The following ARCN1 variants were observed in gnomAD, a reference collection of about 807,000 sequenced individuals.
The protein encoded by ARCN1 is archain 1 coat protein complex I subunit delta, also known as coatomer subunit delta.
Under a neutral mutation model 60.4 loss-of-function variants are expected in ARCN1, and 5 were observed. That is an observed-to-expected ratio of 0.08 (90% CI 0.04 to 0.17). The LOEUF (loss-of-function observed/expected upper bound fraction) is 0.17, where lower values mean the gene tolerates loss of function less well. Ranked by LOEUF, ARCN1 falls within the 10% of genes least tolerant of loss-of-function variation. The pLI, the probability that ARCN1 is intolerant of heterozygous loss-of-function variation, is 1.00. For missense variants in ARCN1, 464 were observed against 626.5 expected (o/e 0.74, Z 2.77); for synonymous variants, 224 against 220.0 (o/e 1.02, Z -0.16).
rs1555076695 is a variant in ARCN1, at chr11:118,593,677, T to C, written c.1220T>C (p.Val407Ala). The change falls in exon 8 of 10, where the codon GTG becomes GCG. Residue 407 changes from valine (V) to alanine (A), a missense_variant. Val to Ala is a moderately conservative substitution (Grantham distance 64, BLOSUM62 0). Around this residue, in one of 2 missense-constraint regions of ARCN1, gnomAD observed 359 missense variants for 440.2 expected, o/e 0.82. Coordinates refer to ENST00000264028, the MANE Select transcript of ARCN1 (RefSeq NM_001655.5). ...GAAGATAATTTAGAACTGAATGATGTGGTTATCACCATCCCACTCCCGTAA... is the reference window on the plus strand; with the variant it reads ...GAAGATAATTTAGAACTGAATGATGCGGTTATCACCATCCCACTCCCGTAA... ...LQEDNLELND[V>A]VITIPLPSGV... The C allele has an allele frequency of 2.5e-6, 4 of 1,611,654 alleles. No homozygotes were observed. The highest frequency in any genetic ancestry group is 3.3e-5 in the Admixed American group (2 of 60,004).
chr11:118,589,932 T>G (rs1360962408), intron 5 of ARCN1, among the ~76,000 whole-genome samples: 3 of 152,218 alleles, frequency 2.0e-5, no homozygotes, highest in African/African-American at 4.8e-5. Context: ...AAAACGTTGT[T>G]GATGGCTAAT....
rs1017874711 is a variant in ARCN1, at chr11:118,601,751, G to A, written c.*1037G>A. 14 of 702,592 alleles carry A rather than the reference G, an allele frequency of 2.0e-5. No individual in the cohort carries two copies. The Admixed American group carries it at 2.8e-4, about 14-fold the overall frequency. The allele number at this position is 702,592 out of a possible 1,614,324, so 43.5% of individuals were successfully genotyped here. On this transcript the variant is annotated 3_prime_UTR_variant, in exon 10 of 10. Transcript: ENST00000264028. ...TAGAACAGTACCATGAATCCCACTT[G>A]TGTCAATATTAAAGATAGCTGAGAA...
intron 9 of ARCN1, among the ~76,000 whole-genome samples, chr11:118,600,267 C>T (rs549077351): frequency 3.2e-4 from 48 of 152,322 alleles, no homozygotes; most frequent in African/African-American, 1.1e-3. Flanking sequence ...AGAGCTAGAA[C>T]GTTGCCTTTT....
Position 118,600,831 on chromosome 11 carries a change from A to G in ARCN1, c.*117A>G. 1.5e-6 allele frequency: 1 copy of G among 678,870 alleles called. No individual in the cohort carries two copies. Among genetic ancestry groups the G allele is most frequent in the South Asian group, 1.8e-5 (1 of 55,918 alleles). The allele number at this position is 678,870 out of a possible 1,614,324, so 42.1% of individuals were successfully genotyped here. On this transcript the variant is annotated 3_prime_UTR_variant, in exon 10 of 10. Coordinates refer to ENST00000264028, the MANE Select transcript of ARCN1 (RefSeq NM_001655.5). ...ACTGGAGACCCCTTTTTTCTGATAC[A>G]ATGCACGATTCTCTGCGCGCAAGGA...
At chr11:118,587,613 A>C (rs1219049741) in intron 5 of ARCN1, among the ~76,000 whole-genome samples, 1 of 152,220 alleles carries the variant, frequency 6.6e-6, no homozygotes, top group East Asian at 1.9e-4. Context: ...TGAACACAGA[A>C]GACTTCTGTG....
chr11:118,575,974 G>GTTT (rs150069695), intron 1 of ARCN1, among the ~76,000 whole-genome samples: 1 of 143,332 alleles, frequency 7.0e-6, no homozygotes, highest in African/African-American at 2.5e-5. Context: ...CACTGTAGTT[G>GTTT]TTTTTTTTTT....
chr11:118,588,738 C>T (rs1555075827), intron 5 of ARCN1, among the ~76,000 whole-genome samples: 2 of 150,812 alleles, frequency 1.3e-5, no homozygotes, highest in East Asian at 2.0e-4. Flanking sequence ...CAACAACAGG[C>T]TGGGTGCGGT....
chr11:118,580,016 T>C (rs1193706699), intron 1 of ARCN1, among the ~76,000 whole-genome samples: 1 of 152,192 alleles, frequency 6.6e-6, no homozygotes, highest in African/African-American at 2.4e-5. Flanking sequence ...GTAACTGATA[T>C]TCAACACATG....
intron 5 of ARCN1, among the ~76,000 whole-genome samples, chr11:118,589,515 C>T (rs370264398): frequency 1.6e-4 from 24 of 151,914 alleles, no homozygotes; most frequent in East Asian, 1.2e-3. Flanking sequence ...CTGCAAGCTC[C>T]GCCTCCTGAG....
intron 2 of ARCN1, among the ~76,000 whole-genome samples, chr11:118,582,588 A>T (rs1327975022): frequency 6.6e-6 from 1 of 151,234 alleles, no homozygotes; most frequent in African/African-American, 2.4e-5. Context: ...TTAGCTGGGC[A>T]TGGTGGCGGG....
intron 5 of ARCN1, among the ~76,000 whole-genome samples, chr11:118,590,021 A>C (rs1303503391): frequency 6.6e-6 from 1 of 151,700 alleles, no homozygotes; most frequent in African/African-American, 2.4e-5. Flanking sequence ...TTTGAGACAG[A>C]GTTTCACTCT....
chr11:118,577,862 A>G (rs897205976), intron 1 of ARCN1, among the ~76,000 whole-genome samples: 2 of 152,186 alleles, frequency 1.3e-5, no homozygotes, highest in Admixed American at 1.3e-4. Flanking sequence ...CATGCTCATC[A>G]GTAAAGTGGA....
chr11:118,585,502 A>C (rs1938758617), intron 5 of ARCN1, among the ~76,000 whole-genome samples: 1 of 152,144 alleles, frequency 6.6e-6, no homozygotes, highest in African/African-American at 2.4e-5. Flanking sequence ...ACTTGTAGAT[A>C]TCTTTAATAG....
chr11:118,572,705 C>A, intron 1 of ARCN1, 155 bp downstream of exon 1: 1 of 857,118 alleles, frequency 1.2e-6, no homozygotes, highest in Non-Finnish European at 1.8e-6. Context: ...GCCTCCTGTG[C>A]CCGGTCTCCT....
chr11:118,600,568 C>A, intron 9 of ARCN1, 57 bp from the exon 10 acceptor site: 2 of 1,193,252 alleles, frequency 1.7e-6, no homozygotes, highest in South Asian at 2.6e-5. Flanking sequence ...AGAATGTAGT[C>A]AACATGATGG....
Position 118,581,242 on chromosome 11 carries a change from G to A in ARCN1, c.4-4G>A. The A allele has an allele frequency of 6.2e-7, 1 of 1,613,924 alleles. No individual in the cohort carries two copies. Among genetic ancestry groups the A allele is most frequent in the South Asian group, 1.1e-5 (1 of 91,082 alleles). On this transcript the variant is annotated splice_region_variant and splice_polypyrimidine_tract_variant and intron_variant, in intron 1 of 9. Transcript: ENST00000264028. Reference sequence around the variant, plus strand: ...GTACTTACTTATGCATATGTTCCTGGCAGGTGCTGTTGGCAGCAGCGGTCT... The same window carrying A: ...GTACTTACTTATGCATATGTTCCTGACAGGTGCTGTTGGCAGCAGCGGTCT...
chr11:118,596,684 A>G (rs1387725063), intron 8 of ARCN1, among the ~76,000 whole-genome samples: 2 of 152,224 alleles, frequency 1.3e-5, no homozygotes, highest in Non-Finnish European at 2.9e-5. Context: ...GTGTAGGAGT[A>G]GGTGACACTG....
At chr11:118,596,877 G>A (rs1337334304) in intron 8 of ARCN1, among the ~76,000 whole-genome samples, 1 of 152,174 alleles carries the variant, frequency 6.6e-6, no homozygotes, top group Non-Finnish European at 1.5e-5. Flanking sequence ...ACCCATTGGT[G>A]TCAACTTCAA....
rs575518098 is a variant in ARCN1, at chr11:118,587,963, A to G, written c.819-2378A>G. ...CAAATAAGCAGCCAGATGAAGAGAT[A>G]CATAGGGCAAGGTCTGGGAGGGTCT... On this transcript the variant is annotated intron_variant, in intron 5 of 9. Transcript: ENST00000264028. Among the ~76,000 whole-genome samples the G allele has an allele frequency of 1.7e-4, 26 of 152,332 alleles. No individual in the cohort carries two copies. In the East Asian group the frequency reaches 4.2e-3, roughly 25 times the overall value.
Sources: allele counts gnomAD v4.1 joint callset (sites outside exome capture counted in the v4.1 genomes callset), GRCh38; gene constraint gnomAD v4.1.1; regional missense constraint gnomAD v4.1.1; transcripts MANE v1.5; gene names NCBI Gene and HGNC (gene_info 2026-07-23, HGNC 2026-07-21).